The following ABHD5 variants were observed in gnomAD, a reference collection of about 807,000 sequenced individuals.
ABHD5 encodes 1-acylglycerol-3-phosphate O-acyltransferase ABHD5.
In ABHD5, 30 loss-of-function variants were observed where a neutral mutation model predicts 44.9. The ratio of observed to expected loss-of-function variants is 0.67; its 90% CI spans 0.50 to 0.91. The LOEUF is 0.91. Ranked by LOEUF, ABHD5 falls within the 40% of genes least tolerant of loss-of-function variation. The pLI is 0.00. For missense variants in ABHD5, 399 were observed against 423.4 expected, an observed-to-expected ratio of 0.94 and a Z score of 0.50; for synonymous variants, 167 against 147.0, an observed-to-expected ratio of 1.14 and a Z score of -0.99.
intron 1 of ABHD5, among the ~76,000 whole-genome samples, chr3:43,698,890 C>CT (rs1382636659): frequency 6.6e-6 from 1 of 152,208 alleles, no homozygotes; most frequent in Non-Finnish European, 1.5e-5. Context: ...CACTGTGAAA[C>CT]TGTCATTCAA....
downstream of ABHD5, among the ~76,000 whole-genome samples, chr3:43,726,224 A>T (rs2084877077): frequency 6.6e-6 from 1 of 152,162 alleles, no homozygotes; most frequent in African/African-American, 2.4e-5. Context: ...AATGGAAATG[A>T]TGAAATGTTG....
At chr3:43,717,641 T>C in intron 5 of ABHD5, 30 bp from the exon 6 acceptor site, 2 of 1,610,812 alleles carry the variant, frequency 1.2e-6, no homozygotes, top group Non-Finnish European at 1.7e-6. Context: ...CCAAAAATCA[T>C]ACATCGTGAT....
rs1465893084 is a variant in ABHD5 at position 43,720,821 on chromosome 3, C to G, written c.*2289C>G. On this transcript the variant is annotated 3_prime_UTR_variant, in exon 7 of 7. Transcript: ENST00000644371. The stretch of plus-strand genomic sequence containing the variant: ...GCTGTTGTTCTTAGGGAAGGCTACT[C>G]TGGGTGTTGTGGCCGCCATACATGG... 1 of 151,812 alleles carries G rather than the reference C, an allele frequency of 6.6e-6. No individual in the cohort carries two copies. Among genetic ancestry groups the G allele is most frequent in the Non-Finnish European group, 1.5e-5 (1 of 67,986 alleles). 9.4% of individuals were successfully genotyped at this position (151,812 alleles called of 1,614,324 possible).
intron 1 of ABHD5, among the ~76,000 whole-genome samples, chr3:43,693,556 C>A (rs762934020): frequency 2.6e-5 from 4 of 152,164 alleles, no homozygotes; most frequent in Admixed American, 6.5e-5. Context: ...TTAAAAATCA[C>A]AAAACTTTTC....
At chr3:43,732,776 C>T (rs1044044791) in intron 7 of ABHD5, among the ~76,000 whole-genome samples, 3 of 152,190 alleles carry the variant, frequency 2.0e-5, no homozygotes, top group African/African-American at 4.8e-5. Context: ...AAGATCTTTG[C>T]ATGGCCGCAG....
chr3:43,706,489 A>G (rs1204695165), intron 3 of ABHD5, among the ~76,000 whole-genome samples: 1 of 146,036 alleles, frequency 6.8e-6, no homozygotes, highest in African/African-American at 2.6e-5. Context: ...TTTCTTAGAG[A>G]TGGGGTCTTA....
rs760617748 is a variant in ABHD5 at position 43,721,993 on chromosome 3, T to C, written c.*3461T>C. 6.6e-6 allele frequency: 1 copy of C among 152,192 alleles called. No individual in the cohort carries two copies. Among genetic ancestry groups the C allele is most frequent in the South Asian group, 2.1e-4 (1 of 4,830 alleles). 9.4% of individuals were successfully genotyped at this position (152,192 alleles called of 1,614,324 possible). On this transcript the variant is annotated 3_prime_UTR_variant, in exon 7 of 7. Coordinates refer to ENST00000644371, the MANE Select transcript of ABHD5 (RefSeq NM_016006.6). ...GTTGAGACAATAGGGAAACAGGCAC[T>C]CCAAAAATTACAAATCCCTGTGGAT...
intron 7 of ABHD5, among the ~76,000 whole-genome samples, chr3:43,729,703 C>G (rs988451367): frequency 6.6e-6 from 1 of 152,132 alleles, no homozygotes; most frequent in South Asian, 2.1e-4. Context: ...ACAAAGCTAC[C>G]AGTGCCTTAG....
chr3:43,717,196 A>C (rs9848156), intron 5 of ABHD5, among the ~76,000 whole-genome samples: 2,976 of 134,236 alleles, frequency 0.022, 36 homozygotes, highest in Non-Finnish European at 0.026. Flanking sequence ...AAAAAACAAA[A>C]AAAAAAAATG....
chr3:43,695,016 A>G (rs1053217139), intron 1 of ABHD5: 1 of 152,320 alleles, frequency 6.6e-6, no homozygotes, highest in African/African-American at 2.4e-5. Context: ...CTTGCCCCCC[A>G]GCCCCTGTAT....
intron 4 of ABHD5, among the ~76,000 whole-genome samples, chr3:43,714,137 C>CTTTTTTTTTTTTTT (rs542982546): frequency 7.3e-6 from 1 of 136,890 alleles, no homozygotes; most frequent in Non-Finnish European, 1.6e-5. Context: ...TTCTTTTTTT[C>CTTTTTTTTTTTTTT]TTTTTTTTTT....
intron 1 of ABHD5, among the ~76,000 whole-genome samples, chr3:43,693,671 T>A (rs541254354): frequency 6.6e-6 from 1 of 152,284 alleles, no homozygotes; most frequent in South Asian, 2.1e-4. Flanking sequence ...AAACTCTTAT[T>A]AGACATTCTA....
intron 1 of ABHD5, chr3:43,691,276 C>G (rs1305709421): frequency 2.7e-6 from 1 of 374,180 alleles, no homozygotes. Context: ...GGACTCCGGC[C>G]GCGCCGGGAG....
chr3:43,711,635 T>C, intron 3 of ABHD5, 74 bp from the exon 4 acceptor site: 1 of 1,560,986 alleles, frequency 6.4e-7, no homozygotes, highest in Non-Finnish European at 8.8e-7. Context: ...CTTTATTTTA[T>C]AAATCATGTT....
intron 2 of ABHD5, chr3:43,699,848 G>A: frequency 6.1e-6 from 1 of 162,778 alleles, no homozygotes; most frequent in Non-Finnish European, 1.3e-5. Flanking sequence ...CAGTCTGATG[G>A]GTAATCACAT....
intron 3 of ABHD5, among the ~76,000 whole-genome samples, chr3:43,708,867 T>A (rs1304816433): frequency 6.6e-6 from 1 of 152,202 alleles, no homozygotes; most frequent in Non-Finnish European, 1.5e-5. Context: ...CAGACACCCA[T>A]GCACATATAC....
At position 43,721,096 on chromosome 3, in the gene ABHD5, G is replaced by A. The variant is rs1448245721; in HGVS notation, c.*2564G>A. On this transcript the variant is annotated 3_prime_UTR_variant, in exon 7 of 7. Transcript: ENST00000644371. The stretch of plus-strand genomic sequence containing the variant: ...CAGAAGATGCCTAGAAAAGAACAAT[G>A]TGGAAGGAGGGATAACCCTATTAAA... 6.6e-6 allele frequency: 1 copy of A among 152,130 alleles called. No homozygotes were observed. The highest frequency in any genetic ancestry group is 2.4e-5 in the African/African-American group (1 of 41,434). 9.4% of individuals were successfully genotyped at this position (152,130 alleles called of 1,614,324 possible). A position where few individuals can be genotyped will look rare whatever the true frequency, so the allele number is the denominator to read the frequency against.
intron 7 of ABHD5, among the ~76,000 whole-genome samples, chr3:43,729,912 T>C (rs183682398): frequency 1.3e-5 from 2 of 152,350 alleles, no homozygotes; most frequent in East Asian, 3.9e-4. Flanking sequence ...TGTGTGCTCT[T>C]GTTAACTATA....
intron 6 of ABHD5, 104 bp downstream of exon 6, chr3:43,717,961 G>T: frequency 6.9e-7 from 1 of 1,450,350 alleles, no homozygotes; most frequent in African/African-American, 1.4e-5. Flanking sequence ...GGTCATCTGA[G>T]CCATACCTGC....
Sources: gnomAD v4.1 joint callset for allele counts (sites outside exome capture counted in the v4.1 genomes callset) on GRCh38, gnomAD v4.1.1 for gene constraint, MANE v1.5 for transcripts, NCBI Gene and HGNC (gene_info 2026-07-23, HGNC 2026-07-21) for gene names.